KHDRBS3: variants seen among roughly 807,000 people sequenced by gnomAD.
KHDRBS3 encodes the protein KH domain-containing, RNA-binding, signal transduction-associated protein 3.
In KHDRBS3, 23 loss-of-function variants were observed where a neutral mutation model predicts 45.6. The observed-to-expected ratio is 0.50, with a 90% CI of 0.36 to 0.72. The LOEUF (loss-of-function observed/expected upper bound fraction) is 0.72. Ranked by LOEUF, KHDRBS3 falls within the 30% of genes least tolerant of loss-of-function variation. KHDRBS3 has a pLI of 0.00. For synonymous variants in KHDRBS3, 162 were observed against 156.5 expected (o/e 1.04, Z -0.26); for missense variants, 352 against 424.8 (o/e 0.83, Z 1.51).
chr8:135,580,118 C>T (rs1180136932), intron 5 of KHDRBS3, among the ~76,000 whole-genome samples: 1 of 152,208 alleles, frequency 6.6e-6, no homozygotes, highest in Non-Finnish European at 1.5e-5. Flanking sequence ...TTGAGAGATA[C>T]TTCCTTTGTC....
intron 1 of KHDRBS3, among the ~76,000 whole-genome samples, chr8:135,511,948 G>A (rs942882630): frequency 2.6e-5 from 4 of 152,136 alleles, no homozygotes; most frequent in African/African-American, 4.8e-5. Context: ...ATATTTATGC[G>A]TATTTATGAT....
At chr8:135,507,148 A>C (rs1271715742) in intron 1 of KHDRBS3, among the ~76,000 whole-genome samples, 6 of 152,172 alleles carry the variant, frequency 3.9e-5, no homozygotes, top group Non-Finnish European at 8.8e-5. Flanking sequence ...AAATTCTTCA[A>C]ACGGATCTAG....
chr8:135,573,796 C>T (rs1031349144), intron 5 of KHDRBS3, among the ~76,000 whole-genome samples: 2 of 151,996 alleles, frequency 1.3e-5, no homozygotes, highest in Non-Finnish European at 1.5e-5. Flanking sequence ...AAAAGCCTTC[C>T]TGGATTTTTT....
At chr8:135,573,463 A>G (rs111741133) in intron 5 of KHDRBS3, among the ~76,000 whole-genome samples, 87 of 152,334 alleles carry the variant, frequency 5.7e-4, no homozygotes, top group African/African-American at 1.9e-3. Context: ...TCTGTGTACT[A>G]ATTACCACTT....
intron 7 of KHDRBS3, among the ~76,000 whole-genome samples, chr8:135,639,895 C>A (rs772324335): frequency 6.6e-6 from 1 of 152,190 alleles, no homozygotes; most frequent in Non-Finnish European, 1.5e-5. Flanking sequence ...ACCTCCAACA[C>A]GGGGGATTGC....
At chr8:135,581,528 A>G (rs1174897123) in intron 5 of KHDRBS3, among the ~76,000 whole-genome samples, 1 of 152,178 alleles carries the variant, frequency 6.6e-6, no homozygotes, top group African/African-American at 2.4e-5. Context: ...AAGCAAGAAA[A>G]GGCACACCTC....
At chr8:135,627,678 A>G (rs1009239097) in intron 7 of KHDRBS3, among the ~76,000 whole-genome samples, 4 of 152,218 alleles carry the variant, frequency 2.6e-5, no homozygotes, top group Non-Finnish European at 4.4e-5. Flanking sequence ...TAGTTCAGTG[A>G]AAGTTAACAT....
intron 5 of KHDRBS3, among the ~76,000 whole-genome samples, chr8:135,581,051 T>G (rs149723325): frequency 4.6e-5 from 7 of 152,336 alleles, no homozygotes; most frequent in African/African-American, 1.7e-4. Context: ...AAATGAGTCT[T>G]TAGCTGCGTA....
chr8:135,617,907 T>C (rs1385359855), intron 7 of KHDRBS3, among the ~76,000 whole-genome samples: 2 of 152,210 alleles, frequency 1.3e-5, no homozygotes, highest in Non-Finnish European at 2.9e-5. Context: ...TTTAGAGTCC[T>C]AAAATGTGTC....
chr8:135,613,650 G>A (rs952087454), intron 7 of KHDRBS3, among the ~76,000 whole-genome samples: 1 of 151,654 alleles, frequency 6.6e-6, no homozygotes, highest in South Asian at 2.1e-4. Flanking sequence ...TGGGAAACCT[G>A]CAAGGACTGT....
At chr8:135,521,743 T>C (rs192669388) in intron 2 of KHDRBS3, among the ~76,000 whole-genome samples, 10 of 152,316 alleles carry the variant, frequency 6.6e-5, no homozygotes, top group Admixed American at 6.5e-4. Context: ...GCTATTTTTC[T>C]TTTGTCTTCT....
At chr8:135,642,271 G>A (rs1212470415) in intron 7 of KHDRBS3, among the ~76,000 whole-genome samples, 1 of 152,214 alleles carries the variant, frequency 6.6e-6, no homozygotes, top group African/African-American at 2.4e-5. Context: ...GTAGTGTTCT[G>A]AGCTTTGAGT....
chr8:135,527,804 T>G (rs1825269296), intron 2 of KHDRBS3, among the ~76,000 whole-genome samples: 1 of 152,184 alleles, frequency 6.6e-6, no homozygotes, highest in African/African-American at 2.4e-5. Context: ...GAATCCAAGT[T>G]GGGGAATTAT....
At chr8:135,571,678 C>T (rs1669682607) in intron 5 of KHDRBS3, among the ~76,000 whole-genome samples, 1 of 151,870 alleles carries the variant, frequency 6.6e-6, no homozygotes, top group African/African-American at 2.4e-5. Flanking sequence ...GGAAGTCATC[C>T]CAGTTAAGGG....
intron 7 of KHDRBS3, among the ~76,000 whole-genome samples, chr8:135,633,703 T>C (rs549388055): frequency 4.1e-4 from 62 of 152,344 alleles, no homozygotes; most frequent in Non-Finnish European, 6.8e-4. Flanking sequence ...TTTTCAGTTA[T>C]GACTTTTTTA....
At chr8:135,483,411 C>G (rs1227688467) in intron 1 of KHDRBS3, among the ~76,000 whole-genome samples, 1 of 152,158 alleles carries the variant, frequency 6.6e-6, no homozygotes, top group Non-Finnish European at 1.5e-5. Flanking sequence ...ACTGCCCATG[C>G]TGGCTGTCAT....
At chr8:135,588,978 C>T (rs567765811) in intron 6 of KHDRBS3, among the ~76,000 whole-genome samples, 157 of 152,270 alleles carry the variant, frequency 1.0e-3, no homozygotes, top group Non-Finnish European at 1.9e-3. Context: ...ATTCTTTCAT[C>T]TTCCTTCTCT....
At chr8:135,529,780 G>A (rs1358432904) in intron 2 of KHDRBS3, among the ~76,000 whole-genome samples, 2 of 152,106 alleles carry the variant, frequency 1.3e-5, no homozygotes, top group East Asian at 3.9e-4. Flanking sequence ...AAGTGTGTGG[G>A]CTGGGTGCGG....
chr8:135,616,684 GT>G (rs1200684429), intron 7 of KHDRBS3, among the ~76,000 whole-genome samples: 3 of 152,112 alleles, frequency 2.0e-5, no homozygotes, highest in Admixed American at 6.5e-5. Context: ...AGGGAAGCAG[GT>G]TCATTACTAA....
Sources: allele counts gnomAD v4.1 joint callset (sites outside exome capture counted in the v4.1 genomes callset), GRCh38; gene constraint gnomAD v4.1.1; transcripts MANE v1.5; gene names NCBI Gene and HGNC (gene_info 2026-07-23, HGNC 2026-07-21).